Variants in ZNF334 observed in about 807,000 individuals in gnomAD.
ZNF334 encodes the protein zinc finger protein 334.
ZNF334 carries 14 observed loss-of-function variants against 12.4 expected under a neutral mutation model. The ratio of observed to expected loss-of-function variants is 1.13; its 90% CI spans 0.74 to 1.76. ZNF334 has a LOEUF of 1.76. Ranked by LOEUF, ZNF334 falls within the 40% of genes most tolerant of loss-of-function variation. ZNF334 has a pLI of 0.00. For synonymous variants in ZNF334, 273 were observed against 269.6 expected, an observed-to-expected ratio of 1.01 and a Z score of -0.12; for missense variants, 797 against 804.5, an observed-to-expected ratio of 0.99 and a Z score of 0.11.
intron 2 of ZNF334, chr20:46,509,873 A>G (rs2061580276): frequency 1.7e-6 from 1 of 590,310 alleles, no homozygotes; most frequent in Non-Finnish European, 3.0e-6. Context: ...CTGTAAAAAG[A>G]TATGGGTCTG....
the ZNF334 span, chr20:46,492,164 G>A: frequency 6.6e-6 from 1 of 152,524 alleles, no homozygotes; most frequent in Non-Finnish European, 1.5e-5. Context: ...GAAAGCCTTT[G>A]CCCAGCGCAT....
chr20:46,475,097 T>C, the ZNF334 span, among the ~76,000 whole-genome samples: 1 of 152,226 alleles, frequency 6.6e-6, no homozygotes, highest in Non-Finnish European at 1.5e-5. Context: ...CAGGATTTAC[T>C]TGGCATATCT....
Position 46,512,070 on chromosome 20 carries a change from T to A in ZNF334, c.21+12A>T, listed in dbSNP as rs377692581. ...CTGTATAATGTGAGAAGTAAATCCCTGAGCAACTTACCTGAAATTTTTTCA... is the reference window on the plus strand; with the variant it reads ...CTGTATAATGTGAGAAGTAAATCCCAGAGCAACTTACCTGAAATTTTTTCA... On this transcript the variant is annotated intron_variant, in intron 2 of 4. Transcript: ENST00000692313. 6.2e-7 allele frequency: 1 copy of A among 1,613,574 alleles called. No homozygotes were observed. Among genetic ancestry groups the A allele is most frequent in the Non-Finnish European group, 8.5e-7 (1 of 1,179,546 alleles).
chr20:46,503,073 T>C lies in ZNF334; in HGVS notation c.266A>G (p.Asn89Ser), dbSNP rs2061307526. The change falls in exon 5 of 5, where the codon AAC (asparagine) becomes AGC (serine). Residue 89 changes from asparagine (N) to serine (S), a missense_variant. By Grantham distance (46) the Asn-to-Ser change is conservative (BLOSUM62 1). Transcript: ENST00000692313. ...YPDIDDALEK[N>S]KEIQDKHLTQ... ...CAAATGTTTATCTTGGATTTCCTTG[T>C]TCTTCTCTAAGGCATCATCAATGTC... 2 of 1,607,752 alleles carry C rather than the reference T, an allele frequency of 1.2e-6. No individual in the cohort carries two copies. The highest frequency in any genetic ancestry group is 1.7e-6 in the Non-Finnish European group (2 of 1,176,656).
the ZNF334 span, among the ~76,000 whole-genome samples, chr20:46,489,494 C>T: frequency 6.6e-6 from 1 of 151,726 alleles, no homozygotes; most frequent in Non-Finnish European, 1.5e-5. Flanking sequence ...CATAGTGAAA[C>T]CCGTCTCTAC....
the ZNF334 span, among the ~76,000 whole-genome samples, chr20:46,469,407 C>T: frequency 2.0e-5 from 3 of 147,818 alleles, no homozygotes; most frequent in Non-Finnish European, 4.4e-5. Flanking sequence ...CTCGCTCTGT[C>T]GCCCAGGCTG....
At chr20:46,481,510 T>C in the ZNF334 span, among the ~76,000 whole-genome samples, 2 of 152,190 alleles carry the variant, frequency 1.3e-5, no homozygotes, top group Non-Finnish European at 2.9e-5. Context: ...ATGAATTTGT[T>C]TGAAAACTTT....
rs781257655 is a variant in ZNF334, at chr20:46,501,410, G to C, written c.1929C>G (p.Leu643=). ...CGKTYRRLWT[L]TEHQKIHTGE... is the part of the protein sequence containing the mutation. ...CTGTGTGTATTTTCTGATGTTCAGT[G>C]AGAGTCCACAGGCGACGGTAGGTTT... Residue 643 remains leucine (L), a synonymous_variant, in exon 5 of 5, where the codon CTC becomes CTG. Coordinates refer to ENST00000692313, the MANE Select transcript of ZNF334 (RefSeq NM_001353824.2). 30 of 1,614,020 alleles carry C rather than the reference G, an allele frequency of 1.9e-5. No homozygotes were observed. Among genetic ancestry groups the C allele is most frequent in the Non-Finnish European group, 2.4e-5 (28 of 1,180,022 alleles).
chr20:46,484,239 T>G, the ZNF334 span, among the ~76,000 whole-genome samples: 1 of 152,192 alleles, frequency 6.6e-6, no homozygotes. Flanking sequence ...ACCAAATGTA[T>G]GTTTCCTTAG....
chr20:46,473,902 T>C, the ZNF334 span, among the ~76,000 whole-genome samples: 1 of 152,350 alleles, frequency 6.6e-6, no homozygotes, highest in East Asian at 1.9e-4. Context: ...TACGTGATTG[T>C]ATATTGGGAT....
chr20:46,481,623 A>T, the ZNF334 span, among the ~76,000 whole-genome samples: 57 of 152,320 alleles, frequency 3.7e-4, no homozygotes, highest in Admixed American at 3.5e-3. Flanking sequence ...CTTGCTCTCA[A>T]ATCTATGGGA....
Position 46,502,255 on chromosome 20 carries a change from A to G in ZNF334, c.1084T>C (p.Ser362Pro). The G allele has an allele frequency of 1.2e-6, 2 of 1,613,988 alleles. No individual in the cohort carries two copies. The highest frequency in any genetic ancestry group is 1.7e-6 in the Non-Finnish European group (2 of 1,179,978). The change falls in exon 5 of 5, where the codon TCG becomes CCG. Residue 362 changes from serine (S) to proline (P), a missense_variant. Physicochemically the swap from Ser to Pro is moderately conservative, Grantham distance 74. Transcript: ENST00000692313. ...KECGNAFSKK[S>P]YLVVHQRTHR... ...GTTCTTTGATGTACAACAAGATACG[A>G]TTTCTTGCTGAAGGCATTTCCACAT...
downstream of ZNF334, chr20:46,496,816 C>G (rs1192167097): frequency 1.3e-5 from 2 of 152,216 alleles, no homozygotes; most frequent in Non-Finnish European, 2.9e-5. Context: ...GTGTGCTTAG[C>G]AACACCACAA....
Position 46,500,267 on chromosome 20 carries a change from G to A in ZNF334, c.*1029C>T, listed in dbSNP as rs2061109516. ...GGGTATAGGGAAAATCCCACTCATGGAAATCAGAACTTGAAAGGTAAACAT... is the reference window on the plus strand; with the variant it reads ...GGGTATAGGGAAAATCCCACTCATGAAAATCAGAACTTGAAAGGTAAACAT... On this transcript the variant is annotated 3_prime_UTR_variant, in exon 5 of 5. Transcript: ENST00000692313. The A allele has an allele frequency of 6.6e-6, 1 of 152,110 alleles. No individual in the cohort carries two copies. The highest frequency in any genetic ancestry group is 6.6e-5 in the Admixed American group (1 of 15,264). 9.4% of individuals were successfully genotyped at this position (152,110 alleles called of 1,614,324 possible).
intron 2 of ZNF334, among the ~76,000 whole-genome samples, chr20:46,507,010 A>C (rs1302154535): frequency 1.3e-5 from 2 of 151,900 alleles, no homozygotes; most frequent in Non-Finnish European, 2.9e-5. Flanking sequence ...GCTACTTGGA[A>C]GGCTAAGGCA....
chr20:46,462,845 TACTC>T, the ZNF334 span, among the ~76,000 whole-genome samples: 3 of 152,234 alleles, frequency 2.0e-5, no homozygotes, highest in Non-Finnish European at 4.4e-5. Flanking sequence ...GCTTATCACA[TACTC>T]ACACTCACAC....
intron 2 of ZNF334, among the ~76,000 whole-genome samples, chr20:46,511,294 C>A (rs2061641540): frequency 6.6e-6 from 1 of 150,794 alleles, no homozygotes; most frequent in African/African-American, 2.4e-5. Context: ...ATACCACAGA[C>A]ATTATCAGAG....
At position 46,504,720 on chromosome 20, in the gene ZNF334, G is replaced by C; in HGVS notation, c.42C>G (p.Asp14Glu). The C allele has an allele frequency of 6.2e-7, 1 of 1,609,548 alleles. No homozygotes were observed. Among genetic ancestry groups the C allele is most frequent in the Non-Finnish European group, 8.5e-7 (1 of 1,178,324 alleles). Residue 14 changes from aspartate to glutamate, a missense_variant, in exon 3 of 5, where the codon GAC becomes GAG. Physicochemically the swap from Asp to Glu is conservative, Grantham distance 45 (BLOSUM62 2). Coordinates refer to ENST00000692313, the MANE Select transcript of ZNF334 (RefSeq NM_001353824.2). ...KKFQIPVSFQ[D>E]LTVNFTQEEW... ...CCTCTTGGGTGAAGTTCACAGTCAG[G>C]TCCTGGAATGAAACTGGTATCTGAA...
chr20:46,465,013 G>A, the ZNF334 span: 167 of 386,784 alleles, frequency 4.3e-4, 2 homozygotes, highest in African/African-American at 3.2e-3. Flanking sequence ...TACCGTCGCT[G>A]AAAATACTTG....
Sources: allele counts gnomAD v4.1 joint callset (sites outside exome capture counted in the v4.1 genomes callset), GRCh38; gene constraint gnomAD v4.1.1; transcripts MANE v1.5; gene names NCBI Gene and HGNC (gene_info 2026-07-23, HGNC 2026-07-21).